KCNIP4: variants seen among roughly 807,000 people sequenced by gnomAD.
The protein encoded by KCNIP4 is potassium voltage-gated channel interacting protein 4.
A neutral mutation model predicts 34.0 loss-of-function variants in KCNIP4; 12 were observed. That is an observed-to-expected ratio of 0.35 (90% CI 0.23 to 0.57). The LOEUF (loss-of-function observed/expected upper bound fraction) is 0.57. KCNIP4 is among the 20% of genes least tolerant of loss of function. The pLI is 0.83. For synonymous variants in KCNIP4, 124 were observed against 102.2 expected (o/e 1.21, Z -1.29); for missense variants, 238 against 311.7 (o/e 0.76, Z 1.78).
intron 5 of KCNIP4, among the ~76,000 whole-genome samples, chr4:20,742,090 C>T (rs1751255863): frequency 6.6e-6 from 1 of 151,638 alleles, no homozygotes; most frequent in African/African-American, 2.4e-5. Context: ...GCCTGCCAAC[C>T]AAAAAAAAGT....
At chr4:21,881,537 C>T (rs961678734) in intron 1 of KCNIP4, among the ~76,000 whole-genome samples, 3 of 152,058 alleles carry the variant, frequency 2.0e-5, no homozygotes, top group African/African-American at 7.2e-5. Context: ...GGGCTTTTGA[C>T]CTGATCTAAT....
At chr4:20,969,693 A>G (rs2149674748) in intron 1 of KCNIP4, among the ~76,000 whole-genome samples, 1 of 152,204 alleles carries the variant, frequency 6.6e-6, no homozygotes, top group African/African-American at 2.4e-5. Context: ...TCATTACATA[A>G]TTTTCCAAAT....
rs1449635330 is a variant in KCNIP4 at position 21,372,398 on chromosome 4, A to ATAGATAGT, written c.62-489690_62-489689insACTATCTA. On this transcript the variant is annotated intron_variant, in intron 1 of 8. Coordinates refer to ENST00000382152, the MANE Select transcript of KCNIP4 (RefSeq NM_025221.6). Reference sequence around the variant, plus strand: ...GATAGATAGATAGATAGATAGTTAGATAGACAGACAGACAGATACAGATAT... The same window carrying ATAGATAGT: ...GATAGATAGATAGATAGATAGTTAGATAGATAGTTAGACAGACAGACAGATACAGATAT... Among the ~76,000 whole-genome samples the ATAGATAGT allele has an allele frequency of 4.2e-5, 6 of 144,020 alleles. No homozygotes were observed. The East Asian group carries it at 8.2e-4, about 20-fold the overall frequency. The allele number at this position is 144,020 out of a possible 152,430, so 94.5% of individuals were successfully genotyped here.
intron 1 of KCNIP4, among the ~76,000 whole-genome samples, chr4:21,141,815 CAT>C (rs1293349872): frequency 6.6e-6 from 1 of 151,666 alleles, no homozygotes; most frequent in East Asian, 1.9e-4. Context: ...AGCAAGGTAA[CAT>C]GTGAGTTTGT....
At chr4:20,998,324 C>A (rs910481129) in intron 1 of KCNIP4, among the ~76,000 whole-genome samples, 8 of 152,180 alleles carry the variant, frequency 5.3e-5, no homozygotes, top group Non-Finnish European at 1.0e-4. Context: ...AGTTTCGTCC[C>A]AGCACCAATT....
In KCNIP4 at chr4:21,596,694, C is replaced by A. The variant is rs917583797; in HGVS notation, c.61+351877G>T. On this transcript the variant is annotated intron_variant, in intron 1 of 8. Coordinates refer to ENST00000382152, the MANE Select transcript of KCNIP4 (RefSeq NM_025221.6). ...ATGCTATTTATAACCCTGAATTACT[C>A]CGTTAGAATAATGGGGCCTGAGCAG... Among the ~76,000 whole-genome samples the A allele has an allele frequency of 2.0e-5, 3 of 152,066 alleles. No individual in the cohort carries two copies. In the South Asian group the frequency reaches 6.2e-4, roughly 31 times the overall value.
intron 1 of KCNIP4, among the ~76,000 whole-genome samples, chr4:21,831,811 A>T (rs1723007752): frequency 6.6e-6 from 1 of 152,252 alleles, no homozygotes. Flanking sequence ...TTATACAGCA[A>T]TCACTACCCA....
rs570470688 is a variant in KCNIP4, at chr4:20,733,320, G to A, written c.538-535C>T. Reference sequence around the variant, plus strand: ...AGACTAGTCAAAAAATTTTGACCCTGGGAAACACCTTTAAATTTTGTTATT... The same window carrying A: ...AGACTAGTCAAAAAATTTTGACCCTAGGAAACACCTTTAAATTTTGTTATT... On this transcript the variant is annotated intron_variant, in intron 6 of 8. Transcript: ENST00000382152. Among the ~76,000 whole-genome samples the A allele has an allele frequency of 4.4e-3, 668 of 152,140 alleles. 3 individuals carry two copies. Among genetic ancestry groups the A allele is most frequent in the Non-Finnish European group, 7.5e-3 (512 of 67,984 alleles).
intron 1 of KCNIP4, among the ~76,000 whole-genome samples, chr4:20,941,768 A>G (rs1040761469): frequency 1.3e-5 from 2 of 152,240 alleles, no homozygotes; most frequent in African/African-American, 2.4e-5. Context: ...TCTTCCAGAG[A>G]GTGAGGAGGA....
chr4:21,196,822 G>C (rs1031127659), intron 1 of KCNIP4, among the ~76,000 whole-genome samples: 10 of 152,102 alleles, frequency 6.6e-5, no homozygotes, highest in Non-Finnish European at 1.5e-4. Context: ...AGAAAATACA[G>C]CACATAAAAC....
At chr4:21,123,584 TTTTAA>T (rs1460048423) in intron 1 of KCNIP4, among the ~76,000 whole-genome samples, 3 of 152,196 alleles carry the variant, frequency 2.0e-5, no homozygotes, top group South Asian at 2.1e-4. Context: ...CAATAAACAA[TTTTAA>T]TTTATTAAAA....
intron 1 of KCNIP4, among the ~76,000 whole-genome samples, chr4:21,107,282 C>T (rs1473876715): frequency 2.1e-5 from 3 of 142,172 alleles, no homozygotes; most frequent in Non-Finnish European, 4.5e-5. Flanking sequence ...CTGGGTGCTC[C>T]TGTATTGGGT....
chr4:20,798,763 G>A (rs78454910), intron 3 of KCNIP4, among the ~76,000 whole-genome samples: 1,595 of 152,128 alleles, frequency 0.01, 32 homozygotes, highest in African/African-American at 0.036. Context: ...AAATAAAGAC[G>A]ACCCCAGCAA....
intron 1 of KCNIP4, among the ~76,000 whole-genome samples, chr4:20,895,684 T>C (rs1035119000): frequency 2.6e-5 from 4 of 152,238 alleles, no homozygotes; most frequent in African/African-American, 9.6e-5. Flanking sequence ...AGGTAGACCC[T>C]GTGCCAGGCA....
chr4:21,492,266 T>G (rs1577456300), intron 1 of KCNIP4, among the ~76,000 whole-genome samples: 1 of 152,156 alleles, frequency 6.6e-6, no homozygotes, highest in East Asian at 1.9e-4. Flanking sequence ...CTGCCCAAGT[T>G]GGAGTGCAGT....
At chr4:21,559,690 C>G (rs1739364528) in intron 1 of KCNIP4, among the ~76,000 whole-genome samples, 2 of 152,018 alleles carry the variant, frequency 1.3e-5, no homozygotes, top group South Asian at 4.1e-4. Flanking sequence ...CCATACAGAC[C>G]TTCTAGACTA....
rs141813511 is a variant in KCNIP4 at position 21,008,813 on chromosome 4, C to A, written c.62-126104G>T. On this transcript the variant is annotated intron_variant, in intron 1 of 8. Coordinates refer to ENST00000382152, the MANE Select transcript of KCNIP4 (RefSeq NM_025221.6). ...TGCTAGGATTACAGACGTGAGCCAC[C>A]GCGCCCAGCCGGGATTTTCTTTTTA... is the stretch of plus-strand genomic sequence containing the variant. Among the ~76,000 whole-genome samples the A allele has an allele frequency of 3.2e-3, 492 of 151,968 alleles. 1 individual carries two copies. The highest frequency in any genetic ancestry group is 0.011 in the African/African-American group (460 of 41,400).
intron 1 of KCNIP4, among the ~76,000 whole-genome samples, chr4:21,000,652 T>C (rs908069862): frequency 6.6e-6 from 1 of 151,358 alleles, no homozygotes; most frequent in Non-Finnish European, 1.5e-5. Flanking sequence ...GCTGTTGCAC[T>C]CCAGCCTGTG....
chr4:21,819,990 T>C (rs1163732391), intron 1 of KCNIP4, among the ~76,000 whole-genome samples: 3 of 152,064 alleles, frequency 2.0e-5, no homozygotes. Flanking sequence ...GATATTTAAT[T>C]TGATATAGCT....
Sources: allele counts gnomAD v4.1 joint callset (sites outside exome capture counted in the v4.1 genomes callset), GRCh38; gene constraint gnomAD v4.1.1; transcripts MANE v1.5; gene names NCBI Gene and HGNC (gene_info 2026-07-23, HGNC 2026-07-21).